The following HCFC1 variants were observed in gnomAD, a reference collection of about 807,000 sequenced individuals.
HCFC1 encodes the protein host cell factor 1.
In HCFC1, 7 loss-of-function variants were observed where a neutral mutation model predicts 105.5. That is an observed-to-expected ratio of 0.07 (90% CI 0.04 to 0.12). The LOEUF is 0.12. Ranked by LOEUF, HCFC1 falls within the 10% of genes least tolerant of loss-of-function variation. The pLI is 1.00. For missense variants in HCFC1, 1,065 were observed against 1,823.6 expected, an observed-to-expected ratio of 0.58 and a Z score of 7.58; for synonymous variants, 918 against 828.1, an observed-to-expected ratio of 1.11 and a Z score of -1.86.
At chrX:153,957,115 T>C (rs1449854396) in intron 13 of HCFC1, 55 bp from the exon 14 acceptor site, 1 of 1,146,127 alleles carries the variant, frequency 8.7e-7, no homozygotes, top group Non-Finnish European at 1.2e-6. Flanking sequence ...CTGCCCCTGC[T>C]GCCCCTAGAC....
At position 153,956,747 on chromosome X, in the gene HCFC1, G is replaced by A; in HGVS notation, c.2513C>T (p.Ala838Val). 1 of 1,210,687 alleles carries A rather than the reference G, an allele frequency of 8.3e-7. No individual in the cohort carries two copies. The highest frequency in any genetic ancestry group is 1.1e-6 in the Non-Finnish European group (1 of 895,427). ...GAGGATGGTGCCTGGCTGTCCCGGG[G>A]CCCCCTTAAGCACCACCTGGAACAC... ...QGVTQVVLKGAPGQPGTILRT... is the reference protein window; with the variant it reads ...QGVTQVVLKGVPGQPGTILRT... Residue 838 changes from alanine (A) to valine (V), a missense_variant, in exon 15 of 26, where the codon GCC (alanine) becomes GTC (valine). By Grantham distance (64) the Ala-to-Val change is moderately conservative (BLOSUM62 0). Around this residue, in one of 17 missense-constraint regions of HCFC1, gnomAD observed 137 missense variants for 378.2 expected, o/e 0.36. Transcript: ENST00000310441.
Position 153,958,677 on chromosome X carries a change from G to A in HCFC1, c.1695C>T (p.Pro565=), listed in dbSNP as rs1326250408. 8.3e-7 allele frequency: 1 copy of A among 1,199,677 alleles called. No homozygotes were observed. Among genetic ancestry groups the A allele is most frequent in the Non-Finnish European group, 1.1e-6 (1 of 888,187 alleles). Residue 565 remains proline, a synonymous_variant, in exon 10 of 26, where the codon CCC becomes CCT. Coordinates refer to ENST00000310441, the MANE Select transcript of HCFC1 (RefSeq NM_005334.3). ...TACCCGCTGGGACACTCAGCACCGTGGGTGCCGAGGAAGGGGGGATCTTCT... is the reference window on the plus strand; with the variant it reads ...TACCCGCTGGGACACTCAGCACCGTAGGTGCCGAGGAAGGGGGGATCTTCT... ...ATQKIPPSSA[P]TVLSVPAGTT... is the part of the protein sequence containing the mutation.
chrX:153,954,424 G>C lies in HCFC1; in HGVS notation c.3975C>G (p.His1325Gln). ...RVCSNPPCETHETGTTHTATT... is the reference protein window; with the variant it reads ...RVCSNPPCETQETGTTHTATT... ...TGGCCGTGTGGGTGGTGCCCGTCTC[G>C]TGGGTCTCGCATGGCGGGTTGGAGC... The change falls in exon 17 of 26, where the codon CAC (histidine) becomes CAG (glutamine). Residue 1325 changes from histidine to glutamine, a missense_variant. Physicochemically the swap from His to Gln is conservative, Grantham distance 24. Coordinates refer to ENST00000310441, the MANE Select transcript of HCFC1 (RefSeq NM_005334.3). The C allele has an allele frequency of 2.5e-6, 3 of 1,212,080 alleles. No individual in the cohort carries two copies. The highest frequency in any genetic ancestry group is 3.4e-6 in the Non-Finnish European group (3 of 895,397).
At chrX:153,968,047 T>C (rs5986944) in intron 1 of HCFC1, among the ~76,000 whole-genome samples, 1,193 of 111,148 alleles carry the variant, frequency 0.011, 11 homozygotes, top group African/African-American at 0.036. Context: ...GGACCCCAAT[T>C]TCCTCATCTG....
At chrX:153,955,960 G>A (rs782072364) in intron 16 of HCFC1, among the ~76,000 whole-genome samples, 7 of 113,217 alleles carry the variant, frequency 6.2e-5, no homozygotes, top group Non-Finnish European at 1.1e-4. Flanking sequence ...GGAAGAACCC[G>A]GTGTTCAAAC....
Position 153,952,118 on chromosome X carries a change from G to C in HCFC1, c.4983C>G (p.Thr1661=). Residue 1661 remains threonine, a synonymous_variant, in exon 20 of 26, where the codon ACC becomes ACG. Transcript: ENST00000310441. Reference sequence around the variant, plus strand: ...GGTGCCCCAGCTCCGCCTGAGTCACGGTTGCTGCTGCCTCGGAGGTGTCCA... The same window carrying C: ...GGTGCCCCAGCTCCGCCTGAGTCACCGTTGCTGCTGCCTCGGAGGTGTCCA... The part of the protein sequence containing the change: ...EPMDTSEAAA[T]VTQAELGHLS... 2 of 1,141,622 alleles carry C rather than the reference G, an allele frequency of 1.8e-6. No individual in the cohort carries two copies. Among genetic ancestry groups the C allele is most frequent in the Non-Finnish European group, 1.2e-6 (1 of 863,027 alleles). The allele number at this position is 1,141,622 out of a possible 1,213,427, so 94.1% of individuals were successfully genotyped here. A position where few individuals can be genotyped will look rare whatever the true frequency, so the allele number is the denominator to read the frequency against.
chrX:153,952,553 T>C lies in HCFC1; in HGVS notation c.4903A>G (p.Ile1635Val). ...AATEEAQALA[I>V]QAVLQAAQQA... Reference sequence around the variant, plus strand: ...TGCGCGGCCTGGAGCACCGCCTGGATGGCCAGGGCCTGGGCTTCCTCCGTG... The same window carrying C: ...TGCGCGGCCTGGAGCACCGCCTGGACGGCCAGGGCCTGGGCTTCCTCCGTG... Residue 1635 changes from isoleucine to valine, a missense_variant, in exon 19 of 26, where the codon ATC (isoleucine) becomes GTC (valine). Coordinates refer to ENST00000310441, the MANE Select transcript of HCFC1 (RefSeq NM_005334.3). The C allele has an allele frequency of 8.4e-7, 1 of 1,184,746 alleles. No individual in the cohort carries two copies. The highest frequency in any genetic ancestry group is 1.1e-6 in the Non-Finnish European group (1 of 880,614).
At position 153,958,722 on chromosome X, in the gene HCFC1, G is replaced by A. The variant is rs782673117; in HGVS notation, c.1650C>T (p.Ala550=). 1.4e-5 allele frequency: 17 copies of A among 1,185,969 alleles called. No individual in the cohort carries two copies. Among genetic ancestry groups the A allele is most frequent in the South Asian group, 7.5e-5 (4 of 53,076 alleles). ...TCTTCTGGGTGGCAGCGGCCGCAGC[G>A]GCCAGTGCGGCCATCCCACTCATCT... ...SPQMSGMAAL[A]AAAAATQKIP... The change falls in exon 10 of 26, where the codon GCC becomes GCT. Residue 550 remains alanine, a synonymous_variant. Coordinates refer to ENST00000310441, the MANE Select transcript of HCFC1 (RefSeq NM_005334.3).
At chrX:153,963,587 C>T (rs1557117580) in intron 3 of HCFC1, among the ~76,000 whole-genome samples, 154 bp from the exon 4 acceptor site, 1 of 112,203 alleles carries the variant, frequency 8.9e-6, no homozygotes. Context: ...GAGGAAGGGG[C>T]TGCCAGAAGC....
rs1389509735 is a variant in HCFC1, at chrX:153,955,321, G to C, written c.3078C>G (p.Thr1026=). The C allele has an allele frequency of 4.1e-6, 5 of 1,210,757 alleles. No individual in the cohort carries two copies. The Admixed American group carries it at 1.1e-4, about 26-fold the overall frequency. ...PPCETHETGT[T]NTATTTVVAN... ...CCACAACAGTAGTGGTGGCCGTGTT[G>C]GTGGTGCCAGTCTCGTGGGTCTCAC... is the stretch of plus-strand genomic sequence containing the variant. The change falls in exon 17 of 26, where the codon ACC becomes ACG. Residue 1026 remains threonine (T), a synonymous_variant. Transcript: ENST00000310441.
chrX:153,951,556 A>T, intron 21 of HCFC1, 33 bp downstream of exon 21: 1 of 1,205,664 alleles, frequency 8.3e-7, no homozygotes, highest in Non-Finnish European at 1.1e-6. Context: ...CCCCCAGGCC[A>T]CGGACTCAGG....
chrX:153,964,740 G>A lies in HCFC1; in HGVS notation c.194-14C>T. ...ACTGGTTGGTTGCTGGGGAACAGAA[G>A]GAGGCAGAAGTCAGAACACCCGGGA... On this transcript the variant is annotated splice_polypyrimidine_tract_variant and intron_variant, in intron 1 of 25. Coordinates refer to ENST00000310441, the MANE Select transcript of HCFC1 (RefSeq NM_005334.3). The A allele has an allele frequency of 8.7e-7, 1 of 1,150,349 alleles. No homozygotes were observed. Among genetic ancestry groups the A allele is most frequent in the Non-Finnish European group, 1.2e-6 (1 of 862,899 alleles). The allele number at this position is 1,150,349 out of a possible 1,213,427, so 94.8% of individuals were successfully genotyped here. A position where few individuals can be genotyped will look rare whatever the true frequency, so the allele number is the denominator to read the frequency against.
At chrX:153,953,383 C>A (rs1195846892) in intron 18 of HCFC1, among the ~76,000 whole-genome samples, 1 of 112,101 alleles carries the variant, frequency 8.9e-6, no homozygotes, top group Non-Finnish European at 1.9e-5. Flanking sequence ...AAGTGACACG[C>A]GATGAGAACC....
Position 153,956,360 on chromosome X carries a change from C to T in HCFC1, c.2687G>A (p.Gly896Glu), listed in dbSNP as rs1379116849. The T allele has an allele frequency of 8.3e-7, 1 of 1,210,919 alleles. No individual in the cohort carries two copies. The highest frequency in any genetic ancestry group is 1.1e-6 in the Non-Finnish European group (1 of 895,310). ...AGCACTAGTGCTGTGGCCCCCCGCC[C>T]CGGCAAGGCTGGTGGAGACGGTGCC... ...VTGTVSTSLA[G>E]AGGHSTSASL... is the part of the protein sequence containing the mutation. The change falls in exon 16 of 26, where the codon GGG becomes GAG. Residue 896 changes from glycine to glutamate, a missense_variant. Around this residue, in one of 17 missense-constraint regions of HCFC1, gnomAD observed 137 missense variants for 378.2 expected, o/e 0.36. Transcript: ENST00000310441.
chrX:153,951,691 G>A lies in HCFC1; in HGVS notation c.5277C>T (p.Asn1759=). ...CAACCGGCTGGGGGGCCACAAATGT[G>A]TTGGATGGAGCCAGGCCTAGGAAGA... ...STATESLAPS[N]TFVAPQPVVV... The change falls in exon 21 of 26, where the codon AAC becomes AAT. Residue 1759 remains asparagine, a synonymous_variant. Transcript: ENST00000310441. 2.5e-6 allele frequency: 3 copies of A among 1,209,132 alleles called. No homozygotes were observed. The highest frequency in any genetic ancestry group is 3.4e-6 in the Non-Finnish European group (3 of 894,233).
At position 153,971,779 on chromosome X, in the gene HCFC1, G is replaced by C. The variant is rs1288958626; in HGVS notation, c.-939C>G. On this transcript the variant is annotated 5_prime_UTR_variant, in exon 1 of 26. Transcript: ENST00000310441. ...TACGGCAGAAGAAGCGGTAACGGCA[G>C]GGCGCTCATGCCTCCTCCCTGGGAG... 1 of 296,127 alleles carries C rather than the reference G, an allele frequency of 3.4e-6. No individual in the cohort carries two copies. The highest frequency in any genetic ancestry group is 5.9e-6 in the Non-Finnish European group (1 of 169,702). The allele number at this position is 296,127 out of a possible 1,213,427, so 24.4% of individuals were successfully genotyped here.
In HCFC1 at chrX:153,954,240, C is replaced by T. The variant is rs200164926; in HGVS notation, c.4159G>A (p.Val1387Met). Residue 1387 changes from valine (V) to methionine (M), a missense_variant, in exon 17 of 26, where the codon GTG becomes ATG. Val to Met is a conservative substitution (Grantham distance 21). Coordinates refer to ENST00000310441, the MANE Select transcript of HCFC1 (RefSeq NM_005334.3). ...LPDATSSHRTVESGLEVAAAP... is the reference protein window; with the variant it reads ...LPDATSSHRTMESGLEVAAAP... The stretch of plus-strand genomic sequence containing the variant: ...GCCGCCACCTCTAGGCCAGACTCCA[C>T]GGTCCTGTGGGAAGAAGTGGCGTCG... 320 of 1,206,899 alleles carry T rather than the reference C, an allele frequency of 2.7e-4. 1 individual carries two copies. The African/African-American group carries it at 3.7e-3, about 14-fold the overall frequency.
intron 10 of HCFC1, 74 bp downstream of exon 10, chrX:153,958,493 CAA>C: frequency 4.1e-6 from 4 of 978,922 alleles, no homozygotes; most frequent in Non-Finnish European, 5.7e-6. Flanking sequence ...GCCCACGGTC[CAA>C]CGGCTAACTC....
chrX:153,959,725 C>T (rs1308972208), intron 8 of HCFC1, 77 bp downstream of exon 8: 3 of 1,112,240 alleles, frequency 2.7e-6, no homozygotes, highest in East Asian at 3.0e-5. Context: ...GCTGCCGTCT[C>T]GCAGCCCCTA....
Sources: gnomAD v4.1 joint callset for allele counts (sites outside exome capture counted in the v4.1 genomes callset) on GRCh38, gnomAD v4.1.1 for gene constraint, gnomAD v4.1.1 regional missense constraint, MANE v1.5 for transcripts, NCBI Gene and HGNC (gene_info 2026-07-23, HGNC 2026-07-21) for gene names.